The following KDM4A variants were observed in gnomAD, a reference collection of about 807,000 sequenced individuals.
KDM4A encodes the protein lysine-specific demethylase 4A.
Under a neutral mutation model 127.1 loss-of-function variants are expected in KDM4A, and 23 were observed. The ratio of observed to expected loss-of-function variants is 0.18; its 90% CI spans 0.13 to 0.26. The LOEUF is 0.26. Among genes scored for constraint, KDM4A ranks in the 10% least tolerant of loss-of-function variants. The pLI is 1.00. For synonymous variants in KDM4A, 443 were observed against 466.5 expected (o/e 0.95, Z 0.65); for missense variants, 890 against 1,329.1 (o/e 0.67, Z 5.14).
chr1:43,671,925 C>A (rs1341930063), intron 11 of KDM4A, 50 bp downstream of exon 11: 18 of 1,501,900 alleles, frequency 1.2e-5, no homozygotes, highest in Non-Finnish European at 1.5e-5. Context: ...CTGGAGGACA[C>A]CCTGTCGGGA....
rs767144426 is a variant in KDM4A at position 43,660,388 on chromosome 1, T to A, written c.405T>A (p.Asp135Glu). ...TCAATCCTCCAATCTATGGTGCAGA[T>A]GTGAATGGTACCCTCTATGAAAAGG... ...LTFNPPIYGA[D>E]VNGTLYEKHV... Residue 135 changes from aspartate to glutamate, a missense_variant, in exon 4 of 22, where the codon GAT (aspartate) becomes GAA (glutamate). Asp to Glu is a conservative substitution (Grantham distance 45). Coordinates refer to ENST00000372396, the MANE Select transcript of KDM4A (RefSeq NM_014663.3). The A allele has an allele frequency of 6.2e-7, 1 of 1,608,174 alleles. No individual in the cohort carries two copies. The highest frequency in any genetic ancestry group is 8.5e-7 in the Non-Finnish European group (1 of 1,176,552).
intron 19 of KDM4A, among the ~76,000 whole-genome samples, chr1:43,703,031 C>T (rs1661442563): frequency 1.3e-5 from 2 of 151,976 alleles, no homozygotes; most frequent in South Asian, 4.2e-4. Context: ...CAAGCTCCGC[C>T]TCCTGGGTTC....
chr1:43,689,173 T>A, intron 13 of KDM4A, 78 bp downstream of exon 13: 1 of 1,438,312 alleles, frequency 7.0e-7, no homozygotes, highest in Non-Finnish European at 9.6e-7. Flanking sequence ...AGTATATAGC[T>A]TGTCACTGGT....
intron 14 of KDM4A, 56 bp downstream of exon 14, chr1:43,691,105 T>C (rs1008139820): frequency 6.4e-7 from 1 of 1,564,672 alleles, no homozygotes. Context: ...GCCTGCTCAC[T>C]GGAAGTTCTT....
In KDM4A at chr1:43,704,434, A is replaced by T; in HGVS notation, c.*64A>T. 6.7e-7 allele frequency: 1 copy of T among 1,494,484 alleles called. No homozygotes were observed. The highest frequency in any genetic ancestry group is 9.1e-7 in the Non-Finnish European group (1 of 1,097,678). The allele number at this position is 1,494,484 out of a possible 1,614,324, so 92.6% of individuals were successfully genotyped here. A position where few individuals can be genotyped will look rare whatever the true frequency, so the allele number is the denominator to read the frequency against. On this transcript the variant is annotated 3_prime_UTR_variant, in exon 22 of 22. Coordinates refer to ENST00000372396, the MANE Select transcript of KDM4A (RefSeq NM_014663.3). ...AAGAGCACTCTGGGTTCCACAGCAC[A>T]GCAGACATGGAACGCTGAAGTCTCT...
chr1:43,669,095 T>C lies in KDM4A; in HGVS notation c.1164-5T>C. 6.2e-7 allele frequency: 1 copy of C among 1,614,194 alleles called. No individual in the cohort carries two copies. Among genetic ancestry groups the C allele is most frequent in the South Asian group, 1.1e-5 (1 of 91,080 alleles). On this transcript the variant is annotated splice_region_variant and splice_polypyrimidine_tract_variant and intron_variant, in intron 9 of 21. Coordinates refer to ENST00000372396, the MANE Select transcript of KDM4A (RefSeq NM_014663.3). Reference sequence around the variant, plus strand: ...CTCTTAAAAGATTTGCCCTCTCCCTTGCAGCCTGGCCAAGCACCGAATAGG... The same window carrying C: ...CTCTTAAAAGATTTGCCCTCTCCCTCGCAGCCTGGCCAAGCACCGAATAGG...
chr1:43,668,980 T>C, intron 9 of KDM4A, 120 bp from the exon 10 acceptor site: 1 of 976,752 alleles, frequency 1.0e-6, no homozygotes, highest in Non-Finnish European at 1.6e-6. Context: ...TCCCTGAGTT[T>C]TGAGCCAGGC....
chr1:43,673,431 C>T (rs965195903), intron 11 of KDM4A, among the ~76,000 whole-genome samples: 1 of 152,176 alleles, frequency 6.6e-6, no homozygotes, highest in African/African-American at 2.4e-5. Flanking sequence ...TTTCTGTTTT[C>T]TTTGGCTGCA....
chr1:43,690,625 G>C, intron 13 of KDM4A: 1 of 588,720 alleles, frequency 1.7e-6, no homozygotes, highest in Non-Finnish European at 3.0e-6. Flanking sequence ...CCTTTTCTCA[G>C]TTGTCCCCTA....
At chr1:43,650,663 TTTA>T (rs1425571684) in intron 1 of KDM4A, 1 of 152,388 alleles carries the variant, frequency 6.6e-6, no homozygotes, top group African/African-American at 2.4e-5. Flanking sequence ...AACAGCTAGC[TTTA>T]TTGAGTGGGT....
At chr1:43,676,775 AATT>A (rs1349424934) in intron 11 of KDM4A, among the ~76,000 whole-genome samples, 2 of 152,168 alleles carry the variant, frequency 1.3e-5, no homozygotes, top group Non-Finnish European at 2.9e-5. Flanking sequence ...TTAATACATT[AATT>A]TGTAAAGATT....
In KDM4A at chr1:43,697,811, T is replaced by C. The variant is rs772927649; in HGVS notation, c.2671-32T>C. ...ATATGCCAGGCCTGCAAACTCCACGTGTGAGTAACCAAAGCCTCTGTTTTT... is the reference window on the plus strand; with the variant it reads ...ATATGCCAGGCCTGCAAACTCCACGCGTGAGTAACCAAAGCCTCTGTTTTT... On this transcript the variant is annotated intron_variant, in intron 18 of 21. Coordinates refer to ENST00000372396, the MANE Select transcript of KDM4A (RefSeq NM_014663.3). 5 of 1,601,752 alleles carry C rather than the reference T, an allele frequency of 3.1e-6. No homozygotes were observed. In the Admixed American group the frequency reaches 5.2e-5, roughly 17 times the overall value.
rs547590900 is a variant in KDM4A, at chr1:43,653,236, A to G, written c.61A>G (p.Met21Val). The change falls in exon 2 of 22, where the codon ATG becomes GTG. Residue 21 changes from methionine (M) to valine (V), a missense_variant. By Grantham distance (21) the Met-to-Val change is conservative. Around this residue, in one of 7 missense-constraint regions of KDM4A, gnomAD observed 35 missense variants for 27.7 expected, o/e 1.26. Transcript: ENST00000372396. ...TAGGATAATGACCTTTTATCCAACTATGGAAGAGTTCCGAAACTTCAGTAG... is the reference window on the plus strand; with the variant it reads ...TAGGATAATGACCTTTTATCCAACTGTGGAAGAGTTCCGAAACTTCAGTAG... ...SARIMTFYPT[M>V]EEFRNFSRYI... The G allele has an allele frequency of 1.2e-5, 20 of 1,614,056 alleles. No homozygotes were observed. The African/African-American group carries it at 2.3e-4, about 18-fold the overall frequency.
chr1:43,697,270 G>C (rs1661262570), intron 18 of KDM4A, among the ~76,000 whole-genome samples: 1 of 152,250 alleles, frequency 6.6e-6, no homozygotes, highest in South Asian at 2.1e-4. Context: ...CATACTTTGT[G>C]ATCCTGTTTG....
intron 12 of KDM4A, among the ~76,000 whole-genome samples, chr1:43,686,960 G>T (rs1660997369): frequency 6.6e-6 from 1 of 152,158 alleles, no homozygotes; most frequent in East Asian, 1.9e-4. Flanking sequence ...ATTCACAAAT[G>T]GAATGATCTG....
At chr1:43,683,631 TGC>T in intron 11 of KDM4A, 51 bp from the exon 12 acceptor site, 2 of 1,586,328 alleles carry the variant, frequency 1.3e-6, no homozygotes, top group Non-Finnish European at 1.7e-6. Context: ...GGGTGACTTG[TGC>T]TGTGTCTCAA....
chr1:43,694,671 G>C lies in KDM4A; in HGVS notation c.2485-38G>C, dbSNP rs749245539. 7.6e-6 allele frequency: 12 copies of C among 1,572,640 alleles called. No individual in the cohort carries two copies. Among genetic ancestry groups the C allele is most frequent in the Non-Finnish European group, 1.0e-5 (12 of 1,147,880 alleles). On this transcript the variant is annotated intron_variant, in intron 17 of 21. Coordinates refer to ENST00000372396, the MANE Select transcript of KDM4A (RefSeq NM_014663.3). This position sits in a 1 kb window ranked among gnomAD's most constrained non-coding sequence, Gnocchi z 5.2. ...AACAACAGAGGAAGCTGCAGTGCCA[G>C]TTCCTGCAATCACTGGTTTTCTTCC...
intron 19 of KDM4A, among the ~76,000 whole-genome samples, chr1:43,700,639 C>G (rs1036455742): frequency 6.6e-6 from 1 of 151,780 alleles, no homozygotes; most frequent in Non-Finnish European, 1.5e-5. Context: ...CCCAGGTAGT[C>G]TCAAACTCCT....
chr1:43,689,118 G>T, intron 13 of KDM4A, 23 bp downstream of exon 13: 2 of 1,609,220 alleles, frequency 1.2e-6, no homozygotes, highest in South Asian at 1.1e-5. Context: ...CATGCACTCT[G>T]TTTACCCAGG....
Sources: gnomAD v4.1 joint callset for allele counts (sites outside exome capture counted in the v4.1 genomes callset) on GRCh38, gnomAD v4.1.1 for gene constraint, gnomAD v4.1.1 regional missense constraint, Gnocchi (gnomAD v3.1) non-coding constraint, MANE v1.5 for transcripts, NCBI Gene and HGNC (gene_info 2026-07-23, HGNC 2026-07-21) for gene names.